Variants in MAOB observed in about 807,000 individuals in gnomAD.
MAOB encodes monoamine oxidase B, also known as amine oxidase [flavin-containing] B.
A neutral mutation model predicts 41.9 loss-of-function variants in MAOB; 15 were observed. The ratio of observed to expected loss-of-function variants is 0.36; its 90% confidence interval spans 0.24 to 0.55. The LOEUF (loss-of-function observed/expected upper bound fraction) is 0.55, where lower values mean the gene tolerates loss of function less well. Among genes scored for constraint, MAOB ranks in the 20% least tolerant of loss-of-function variants. The pLI is 0.86. For missense variants in MAOB, 345 were observed against 398.7 expected, an observed-to-expected ratio of 0.87 and a Z score of 1.15; for synonymous variants, 167 against 144.2, an observed-to-expected ratio of 1.16 and a Z score of -1.13.
intron 3 of MAOB, chrX:43,838,131 C>G (rs2035092428): frequency 4.1e-6 from 1 of 246,584 alleles, no homozygotes; most frequent in Admixed American, 4.5e-5. Context: ...CCACCAAACC[C>G]AAGCAAACTT....
intron 1 of MAOB, among the ~76,000 whole-genome samples, chrX:43,879,807 C>T (rs1256533902): frequency 8.9e-6 from 1 of 112,185 alleles, no homozygotes; most frequent in Non-Finnish European, 1.9e-5. Context: ...CTTTCTCTCC[C>T]ACCAGACCCC....
rs973605894 is a variant in MAOB at position 43,803,529 on chromosome X, C to T, written c.280-125G>A. On this transcript the variant is annotated intron_variant, in intron 3 of 14. Transcript: ENST00000378069. ...TTATCAATATGTGATATACACTCAA[C>T]TTTTTAGCTCCTTGTGTCCTCAGAA... The T allele has an allele frequency of 1.4e-5, 13 of 926,228 alleles. No individual in the cohort carries two copies. In the Admixed American group the frequency reaches 3.3e-4, roughly 24 times the overall value. The allele number at this position is 926,228 out of a possible 1,213,427, so 76.3% of individuals were successfully genotyped here. A position where few individuals can be genotyped will look rare whatever the true frequency, so the allele number is the denominator to read the frequency against.
At chrX:43,825,153 C>T (rs1050597100) in intron 3 of MAOB, among the ~76,000 whole-genome samples, 35 of 112,067 alleles carry the variant, frequency 3.1e-4, no homozygotes, top group East Asian at 8.4e-4. Context: ...AGCTTGACAT[C>T]GGACATTAAG....
intron 5 of MAOB, among the ~76,000 whole-genome samples, chrX:43,798,248 C>T (rs2034551758): frequency 8.9e-6 from 1 of 112,167 alleles, no homozygotes; most frequent in Non-Finnish European, 1.9e-5. Context: ...ACCATAGTGT[C>T]CCCTTTAACA....
chrX:43,848,383 C>A (rs1359010274), intron 1 of MAOB, among the ~76,000 whole-genome samples: 1 of 111,720 alleles, frequency 9.0e-6, no homozygotes, highest in African/African-American at 3.3e-5. Context: ...GACTCTTTCC[C>A]AGTTTAAAGT....
intron 2 of MAOB, among the ~76,000 whole-genome samples, chrX:43,840,185 G>A (rs1454331297): frequency 8.9e-6 from 1 of 112,168 alleles, no homozygotes; most frequent in African/African-American, 3.2e-5. Context: ...GTATGTCACA[G>A]TCAATAACAG....
intron 1 of MAOB, among the ~76,000 whole-genome samples, chrX:43,870,888 T>C: frequency 9.2e-6 from 1 of 109,283 alleles, no homozygotes; most frequent in Non-Finnish European, 1.9e-5. Flanking sequence ...CCTCCAACTG[T>C]CTGAAACTTC....
chrX:43,799,055 T>C lies in MAOB; in HGVS notation c.477-1789A>G, dbSNP rs773378821. ...CTCACCAAGGGGCATCTCTCTACTT[T>C]ACTGTATCTTGACCCTAGAAGTTTG... On this transcript the variant is annotated intron_variant, in intron 5 of 14. Coordinates refer to ENST00000378069, the MANE Select transcript of MAOB (RefSeq NM_000898.5). Among the ~76,000 whole-genome samples, 10 of 111,861 alleles carry C rather than the reference T, an allele frequency of 8.9e-5. No individual in the cohort carries two copies. In the East Asian group the frequency reaches 2.8e-3, roughly 31 times the overall value.
chrX:43,768,668 C>G lies in MAOB; in HGVS notation c.1396G>C (p.Glu466Gln). 1 of 1,209,021 alleles carries G rather than the reference C, an allele frequency of 8.3e-7. No individual in the cohort carries two copies. The highest frequency in any genetic ancestry group is 1.1e-6 in the Non-Finnish European group (1 of 893,056). Reference protein sequence around the residue: ...KIPEDEIWQSEPESVDVPAQP... With the variant: ...KIPEDEIWQSQPESVDVPAQP... ...ACATAGCCTACCACAGACTCTGGTT[C>G]TGACTGCCAGATTTCATCCTCTGGA... is the stretch of plus-strand genomic sequence containing the variant. Residue 466 changes from glutamate (E) to glutamine (Q), a missense_variant, in exon 14 of 15, where the codon GAA becomes CAA. By Grantham distance (29) the Glu-to-Gln change is conservative (BLOSUM62 2). Coordinates refer to ENST00000378069, the MANE Select transcript of MAOB (RefSeq NM_000898.5).
chrX:43,845,670 C>A (rs1237633969), intron 1 of MAOB, among the ~76,000 whole-genome samples: 5 of 112,305 alleles, frequency 4.5e-5, no homozygotes, highest in African/African-American at 1.6e-4. Flanking sequence ...ATTTTTGCTA[C>A]AAAGAGAAAT....
At chrX:43,807,406 G>A (rs1273833871) in intron 3 of MAOB, among the ~76,000 whole-genome samples, 1 of 112,119 alleles carries the variant, frequency 8.9e-6, no homozygotes, top group African/African-American at 3.2e-5. Context: ...TAAACAGTTG[G>A]GTTAGGTGGT....
chrX:43,849,291 A>G (rs974139235), intron 1 of MAOB, among the ~76,000 whole-genome samples: 6 of 112,337 alleles, frequency 5.3e-5, no homozygotes, highest in Admixed American at 9.5e-5. Flanking sequence ...CACAAAGGTC[A>G]CACAGCTAGC....
chrX:43,788,780 A>AAT (rs1183015074), intron 8 of MAOB, among the ~76,000 whole-genome samples: 3 of 111,560 alleles, frequency 2.7e-5, no homozygotes, highest in African/African-American at 9.7e-5. Context: ...TTTTTGGAAA[A>AAT]ATATATTAAC....
intron 8 of MAOB, among the ~76,000 whole-genome samples, chrX:43,789,864 G>A (rs757863769): frequency 2.7e-5 from 3 of 111,902 alleles, no homozygotes; most frequent in Non-Finnish European, 5.6e-5. Context: ...AAAACATTAT[G>A]AGGTACACCT....
chrX:43,812,025 C>A (rs746700063), intron 3 of MAOB, among the ~76,000 whole-genome samples: 16 of 111,482 alleles, frequency 1.4e-4, no homozygotes, highest in African/African-American at 4.2e-4. Flanking sequence ...GGTAAGCATC[C>A]TCTACTCTCT....
chrX:43,770,029 T>C (rs1244076916), intron 12 of MAOB, among the ~76,000 whole-genome samples: 2 of 111,417 alleles, frequency 1.8e-5, no homozygotes, highest in African/African-American at 3.3e-5. Context: ...GTGGTGGACA[T>C]TGTGATGAAC....
In MAOB at chrX:43,795,034, T is replaced by C. The variant is rs1012472576; in HGVS notation, c.768+705A>G. Among the ~76,000 whole-genome samples the C allele has an allele frequency of 2.7e-5, 3 of 110,908 alleles. No individual in the cohort carries two copies. The South Asian group carries it at 1.2e-3, about 43-fold the overall frequency. ...CAAGCAAGCAATTCTATAGCAGACATCAGCCATGTGTCCTCTGAATTCAAC... is the reference window on the plus strand; with the variant it reads ...CAAGCAAGCAATTCTATAGCAGACACCAGCCATGTGTCCTCTGAATTCAAC... On this transcript the variant is annotated intron_variant, in intron 7 of 14. Transcript: ENST00000378069.
In MAOB at chrX:43,781,128, C is replaced by G. The variant is rs753952705; in HGVS notation, c.1025+320G>C. On this transcript the variant is annotated intron_variant, in intron 9 of 14. Transcript: ENST00000378069. Reference sequence around the variant, plus strand: ...ACAAGAAGTCTCTTAGTAAAACACCCCAAGTCAGGTCTTTTTATCATGCTT... The same window carrying G: ...ACAAGAAGTCTCTTAGTAAAACACCGCAAGTCAGGTCTTTTTATCATGCTT... 2.7e-5 allele frequency among the ~76,000 whole-genome samples: 3 copies of G among 111,111 alleles called. No homozygotes were observed. In the South Asian group the frequency reaches 1.2e-3, roughly 43 times the overall value.
intron 1 of MAOB, among the ~76,000 whole-genome samples, chrX:43,881,771 G>A (rs1416036077): frequency 1.8e-5 from 2 of 112,294 alleles, no homozygotes; most frequent in African/African-American, 6.5e-5. Context: ...AATCAGGAGG[G>A]CCTGGAAAGT....
Sources: gnomAD v4.1 joint callset for allele counts (sites outside exome capture counted in the v4.1 genomes callset) on GRCh38, gnomAD v4.1.1 for gene constraint, MANE v1.5 for transcripts, NCBI Gene and HGNC (gene_info 2026-07-23, HGNC 2026-07-21) for gene names.